Variants in RUNX1T1 observed in about 807,000 individuals in gnomAD.
RUNX1T1 encodes the protein protein CBFA2T1.
RUNX1T1 carries 4 observed loss-of-function variants against 62.8 expected under a neutral mutation model. The ratio of observed to expected loss-of-function variants is 0.06; its 90% confidence interval spans 0.03 to 0.15. The LOEUF (loss-of-function observed/expected upper bound fraction) is 0.15, where lower values mean the gene tolerates loss of function less well. Ranked by LOEUF, RUNX1T1 falls within the 10% of genes least tolerant of loss-of-function variation. The pLI is 1.00. For synonymous variants in RUNX1T1, 291 were observed against 286.0 expected, an observed-to-expected ratio of 1.02 and a Z score of -0.18; for missense variants, 508 against 754.3, an observed-to-expected ratio of 0.67 and a Z score of 3.82.
At chr8:92,054,584 G>A (rs1830733731) in intron 1 of RUNX1T1, among the ~76,000 whole-genome samples, 1 of 152,192 alleles carries the variant, frequency 6.6e-6, no homozygotes. Context: ...AAATGGAAGA[G>A]CACTGATTCA....
At position 92,034,779 on chromosome 8, in the gene RUNX1T1, CAT is replaced by C. The variant is rs199626340; in HGVS notation, c.8-17418_8-17417del. Among the ~76,000 whole-genome samples the C allele has an allele frequency of 2.1e-3, 268 of 126,082 alleles. 6 individuals carry two copies. The highest frequency in any genetic ancestry group is 2.2e-3 in the Non-Finnish European group (126 of 58,348). The allele number at this position is 126,082 out of a possible 152,430, so 82.7% of individuals were successfully genotyped here. ...ATACACACATATACATATATATACA[CAT>C]ATATATATACATATATACACACACA... On this transcript the variant is annotated intron_variant, in intron 1 of 10. Transcript: ENST00000396218.
chr8:91,960,877 T>G (rs1288293529), intron 10 of RUNX1T1, among the ~76,000 whole-genome samples: 1 of 152,232 alleles, frequency 6.6e-6, no homozygotes, highest in Non-Finnish European at 1.5e-5. Flanking sequence ...CCAATACCTA[T>G]ACCACAATAG....
chr8:92,091,844 T>C (rs1325007840), intron 1 of RUNX1T1, among the ~76,000 whole-genome samples: 1 of 152,242 alleles, frequency 6.6e-6, no homozygotes, highest in East Asian at 1.9e-4. Flanking sequence ...TTCAACATTG[T>C]TCTTCAAACT....
chr8:92,010,185 G>C (rs1439810800), intron 4 of RUNX1T1: 3 of 152,178 alleles, frequency 2.0e-5, no homozygotes, highest in African/African-American at 7.2e-5. Context: ...AGGCTTCCTT[G>C]AGTGCTCATT....
upstream of RUNX1T1, among the ~76,000 whole-genome samples, chr8:92,101,384 C>T (rs1486242547): frequency 1.3e-5 from 2 of 152,150 alleles, no homozygotes; most frequent in African/African-American, 4.8e-5. Context: ...CTGGAGTGGC[C>T]TCTCCAGCTC....
At chr8:91,976,108 C>A in intron 8 of RUNX1T1, 135 bp from the exon 10 acceptor site, 1 of 615,012 alleles carries the variant, frequency 1.6e-6, no homozygotes, top group East Asian at 2.7e-5. Flanking sequence ...AAAGGCTAAA[C>A]ATTTCACTTC....
At chr8:91,978,876 T>G (rs755996171) in intron 8 of RUNX1T1, among the ~76,000 whole-genome samples, 13 of 152,220 alleles carry the variant, frequency 8.5e-5, no homozygotes, top group Non-Finnish European at 1.8e-4. Flanking sequence ...AATTTCTCAC[T>G]GACATACTGC....
intron 5 of RUNX1T1, chr8:92,004,886 C>T (rs1467871627): frequency 2.3e-6 from 1 of 430,030 alleles, no homozygotes; most frequent in Non-Finnish European, 4.1e-6. Flanking sequence ...CGCTTTAATA[C>T]TACAAGCAGA....
At chr8:92,054,202 T>C (rs1357085292) in intron 1 of RUNX1T1, among the ~76,000 whole-genome samples, 1 of 152,028 alleles carries the variant, frequency 6.6e-6, no homozygotes, top group Non-Finnish European at 1.5e-5. Flanking sequence ...CATTCTAAGT[T>C]TGGTTATCTG....
intron 1 of RUNX1T1, among the ~76,000 whole-genome samples, chr8:92,077,374 T>G (rs1167858107): frequency 6.6e-6 from 1 of 152,080 alleles, no homozygotes. Flanking sequence ...AAAATTTCAA[T>G]GCTATAACCA....
At chr8:92,038,046 C>A (rs369374495) in intron 1 of RUNX1T1, among the ~76,000 whole-genome samples, 44 of 150,078 alleles carry the variant, frequency 2.9e-4, no homozygotes, top group Middle Eastern at 3.4e-3. Flanking sequence ...CAAAATTCTT[C>A]TTTATTTATT....
intron 1 of RUNX1T1, among the ~76,000 whole-genome samples, chr8:92,046,239 G>A (rs1198271962): frequency 6.6e-6 from 1 of 152,154 alleles, no homozygotes; most frequent in Non-Finnish European, 1.5e-5. Flanking sequence ...GAGGAAAGCT[G>A]ACAAGACAAG....
At chr8:92,096,097 C>G (rs2130940170) in intron 1 of RUNX1T1, among the ~76,000 whole-genome samples, 1 of 152,330 alleles carries the variant, frequency 6.6e-6, no homozygotes, top group African/African-American at 2.4e-5. Context: ...TGCACATTCA[C>G]ACACTCAGAG....
At chr8:91,994,475 C>CA (rs1408546755) in intron 5 of RUNX1T1, 8 of 364,882 alleles carry the variant, frequency 2.2e-5, no homozygotes, top group Non-Finnish European at 3.3e-5. Flanking sequence ...GTAATGCTAA[C>CA]ACAGCACCTA....
rs76032799 is a variant in RUNX1T1 at position 92,024,236 on chromosome 8, C to T, written c.8-6873G>A. The stretch of plus-strand genomic sequence containing the variant: ...TAACCCTGGCATGCAAGGTGGAGTG[C>T]GGTAGCTCACGCCTGTAATTCCAGC... On this transcript the variant is annotated intron_variant, in intron 1 of 10. Transcript: ENST00000396218. 7.3e-3 allele frequency among the ~76,000 whole-genome samples: 1,095 copies of T among 150,936 alleles called. 13 individuals are homozygous for T. Among genetic ancestry groups the T allele is most frequent in the African/African-American group, 0.025 (1,010 of 41,094 alleles).
chr8:91,989,216 T>C (rs961033641), intron 6 of RUNX1T1, among the ~76,000 whole-genome samples: 1 of 152,210 alleles, frequency 6.6e-6, no homozygotes, highest in Non-Finnish European at 1.5e-5. Flanking sequence ...TATATGTCCC[T>C]ACACATAATA....
At chr8:92,007,633 G>A (rs1048038562) in intron 4 of RUNX1T1, among the ~76,000 whole-genome samples, 1 of 152,046 alleles carries the variant, frequency 6.6e-6, no homozygotes, top group Non-Finnish European at 1.5e-5. Context: ...CGGCTCCTAG[G>A]CTATAAACAT....
At chr8:92,000,151 C>T (rs1586915593) in intron 5 of RUNX1T1, among the ~76,000 whole-genome samples, 1 of 151,856 alleles carries the variant, frequency 6.6e-6, no homozygotes, top group Non-Finnish European at 1.5e-5. Flanking sequence ...GGTAAAAATA[C>T]AAAAAATTAG....
At chr8:92,048,332 A>G (rs1176661277) in intron 1 of RUNX1T1, among the ~76,000 whole-genome samples, 1 of 152,130 alleles carries the variant, frequency 6.6e-6, no homozygotes, top group Non-Finnish European at 1.5e-5. Flanking sequence ...AACCCTGTGT[A>G]TGCAACGTGA....
Sources: gnomAD v4.1 joint callset for allele counts (sites outside exome capture counted in the v4.1 genomes callset) on GRCh38, gnomAD v4.1.1 for gene constraint, MANE v1.5 for transcripts, NCBI Gene and HGNC (gene_info 2026-07-23, HGNC 2026-07-21) for gene names.